The following MAPK10 variants were observed in gnomAD, a reference collection of about 807,000 sequenced individuals.
MAPK10 encodes the protein JNK3 alpha protein kinase.
A neutral mutation model predicts 59.3 loss-of-function variants in MAPK10; 25 were observed. That is an observed-to-expected ratio of 0.42 (90% CI 0.31 to 0.59). The LOEUF is 0.59. MAPK10 is among the 20% of genes least tolerant of loss of function. MAPK10 has a pLI of 0.15. For missense variants in MAPK10, 351 were observed against 568.9 expected, an observed-to-expected ratio of 0.62 and a Z score of 3.90; for synonymous variants, 190 against 200.5, an observed-to-expected ratio of 0.95 and a Z score of 0.44.
chr4:86,206,733 C>G (rs1182550014), intron 2 of MAPK10, among the ~76,000 whole-genome samples: 1 of 152,096 alleles, frequency 6.6e-6, no homozygotes, highest in Non-Finnish European at 1.5e-5. Flanking sequence ...TTAATGATCG[C>G]CATTCTAACT....
At chr4:86,102,476 T>C (rs1036594055) in intron 6 of MAPK10, 9 of 155,262 alleles carry the variant, frequency 5.8e-5, no homozygotes, top group African/African-American at 2.2e-4. Flanking sequence ...ACTATAAAGA[T>C]AGAAAGAATA....
intron 1 of MAPK10, among the ~76,000 whole-genome samples, chr4:86,517,170 C>G (rs1564976704): frequency 6.6e-6 from 1 of 150,574 alleles, no homozygotes; most frequent in Non-Finnish European, 1.5e-5. Flanking sequence ...TTAAGATAAT[C>G]ATATTTTTGT....
chr4:86,442,526 C>T (rs1749530404), intron 1 of MAPK10, among the ~76,000 whole-genome samples: 1 of 152,146 alleles, frequency 6.6e-6, no homozygotes, highest in Non-Finnish European at 1.5e-5. Context: ...TAGTGGGTGT[C>T]TCTGTTTTAT....
At chr4:86,254,625 G>T (rs2093617365) in intron 2 of MAPK10, among the ~76,000 whole-genome samples, 1 of 140,746 alleles carries the variant, frequency 7.1e-6, no homozygotes, top group Admixed American at 7.0e-5. Flanking sequence ...TAGGTGTGGT[G>T]TGGTGCTGAA....
intron 3 of MAPK10, among the ~76,000 whole-genome samples, chr4:86,180,960 T>C (rs1263658828): frequency 6.6e-6 from 1 of 152,070 alleles, no homozygotes; most frequent in Non-Finnish European, 1.5e-5. Context: ...TAGTTTATAT[T>C]ATAAATTTCA....
At chr4:86,291,778 G>A (rs2095235573) in intron 2 of MAPK10, among the ~76,000 whole-genome samples, 1 of 152,040 alleles carries the variant, frequency 6.6e-6, no homozygotes, top group South Asian at 2.1e-4. Context: ...GATTAAAAGA[G>A]GTTAAGGAAA....
intron 1 of MAPK10, among the ~76,000 whole-genome samples, chr4:86,517,749 T>C (rs1330902207): frequency 6.6e-6 from 1 of 152,200 alleles, no homozygotes; most frequent in Non-Finnish European, 1.5e-5. Context: ...GGATTGCCTC[T>C]ATCTGTATCT....
chr4:86,465,648 A>C (rs1752133678), intron 1 of MAPK10, among the ~76,000 whole-genome samples: 1 of 152,252 alleles, frequency 6.6e-6, no homozygotes, highest in Non-Finnish European at 1.5e-5. Context: ...AATAGGTAAA[A>C]TAATAACTTG....
At chr4:86,495,899 G>A (rs574071892) in intron 1 of MAPK10, among the ~76,000 whole-genome samples, 4 of 151,874 alleles carry the variant, frequency 2.6e-5, no homozygotes, top group African/African-American at 7.3e-5. Flanking sequence ...GAATTTTTTT[G>A]CATATATTAA....
At position 86,507,633 on chromosome 4, in the gene MAPK10, T is replaced by G. The variant is rs918044374; in HGVS notation, c.-263+86277A>C. ...AACTGGAGATATATATATATATATATATATATATATATATATATATATATA... is the reference window on the plus strand; with the variant it reads ...AACTGGAGATATATATATATATATAGATATATATATATATATATATATATA... On this transcript the variant is annotated intron_variant, in intron 1 of 4. Transcript: ENST00000502302. Among the ~76,000 whole-genome samples, 22 of 64,778 alleles carry G rather than the reference T, an allele frequency of 3.4e-4. 1 individual carries two copies. Among genetic ancestry groups the G allele is most frequent in the African/African-American group, 1.1e-3 (15 of 14,254 alleles). 42.5% of individuals were successfully genotyped at this position (64,778 alleles called of 152,430 possible). A position where few individuals can be genotyped will look rare whatever the true frequency, so the allele number is the denominator to read the frequency against.
At chr4:86,094,847 G>A (rs1199842998) in intron 9 of MAPK10, among the ~76,000 whole-genome samples, 1 of 151,586 alleles carries the variant, frequency 6.6e-6, no homozygotes, top group Non-Finnish European at 1.5e-5. Context: ...TAATGGACTT[G>A]GCCTATTTAC....
At chr4:86,148,589 G>T (rs528580790) in intron 4 of MAPK10, among the ~76,000 whole-genome samples, 5 of 152,202 alleles carry the variant, frequency 3.3e-5, no homozygotes, top group Admixed American at 6.5e-5. Flanking sequence ...GGAAGGAAGG[G>T]ATATTTCAGA....
At chr4:86,274,701 A>T (rs955858260) in intron 2 of MAPK10, among the ~76,000 whole-genome samples, 6 of 151,940 alleles carry the variant, frequency 3.9e-5, no homozygotes, top group Admixed American at 3.9e-4. Context: ...TGGTAAACTG[A>T]TTAGGCAGAG....
At position 86,422,851 on chromosome 4, in the gene MAPK10, C is replaced by T. The variant is rs529215096; in HGVS notation, c.-122+30179G>A. On this transcript the variant is annotated intron_variant, in intron 1 of 13. Transcript: ENST00000361569. ...ACGAAAAGTGGAAAATCGTAGCAAA[C>T]AGGAATTATATTAGGAAGCAAAACA... 9.4e-4 allele frequency among the ~76,000 whole-genome samples: 143 copies of T among 152,168 alleles called. 1 individual carries two copies. The highest frequency in any genetic ancestry group is 3.4e-3 in the Middle Eastern group (1 of 292).
chr4:86,409,997 C>T (rs1159877548), intron 1 of MAPK10, among the ~76,000 whole-genome samples: 1 of 152,172 alleles, frequency 6.6e-6, no homozygotes, highest in African/African-American at 2.4e-5. Context: ...AAAGGGAATA[C>T]TTCCAGTTTT....
intron 1 of MAPK10, among the ~76,000 whole-genome samples, chr4:86,570,094 A>C (rs1291310797): frequency 1.3e-5 from 2 of 152,228 alleles, no homozygotes; most frequent in African/African-American, 4.8e-5. Flanking sequence ...AAAACAAAAC[A>C]AAACTTGTTT....
chr4:86,517,437 G>T (rs549628668), intron 1 of MAPK10, among the ~76,000 whole-genome samples: 2 of 151,758 alleles, frequency 1.3e-5, no homozygotes, highest in Admixed American at 6.6e-5. Context: ...CACCGCGCCC[G>T]GCTAACTTTT....
intron 1 of MAPK10, among the ~76,000 whole-genome samples, chr4:86,441,432 T>C (rs1347623716): frequency 6.6e-6 from 1 of 152,212 alleles, no homozygotes; most frequent in Non-Finnish European, 1.5e-5. Context: ...TACTTTTGCA[T>C]TGCGTAGTTA....
chr4:86,528,837 G>T (rs1013209942), intron 1 of MAPK10, among the ~76,000 whole-genome samples: 1 of 152,178 alleles, frequency 6.6e-6, no homozygotes, highest in Non-Finnish European at 1.5e-5. Context: ...CTCTCATTCA[G>T]ATATTTCAGA....
Sources: allele counts gnomAD v4.1 joint callset (sites outside exome capture counted in the v4.1 genomes callset), GRCh38; gene constraint gnomAD v4.1.1; transcripts MANE v1.5; gene names NCBI Gene and HGNC (gene_info 2026-07-23, HGNC 2026-07-21).